The following INSRR variants were observed in gnomAD, a reference collection of about 807,000 sequenced individuals.
INSRR encodes insulin receptor-related protein.
A neutral mutation model predicts 130.0 loss-of-function variants in INSRR; 114 were observed. The ratio of observed to expected loss-of-function variants is 0.88; its 90% CI spans 0.75 to 1.02. INSRR has a LOEUF of 1.02. Among genes scored for constraint, INSRR ranks in the 50% least tolerant of loss-of-function variants. The probability of loss-of-function intolerance (pLI) is 0.00; values close to 1 mark genes in which losing one functional copy is unlikely to be tolerated. For missense variants in INSRR, 1,657 were observed against 1,735.2 expected, an observed-to-expected ratio of 0.95 and a Z score of 0.80; for synonymous variants, 674 against 705.2, an observed-to-expected ratio of 0.96 and a Z score of 0.70.
Position 156,841,793 on chromosome 1 carries a change from G to A in INSRR, c.3399C>T (p.Asp1133=). ...VSQDFTVKIG[D]FGMTRDVYET... ...CATACACGTCCCGAGTCATCCCGAA[G>A]TCTGGAAAGTGAGGGTGAGGGTGGA... Residue 1133 remains aspartate (D), a splice_region_variant and synonymous_variant, in exon 20 of 22, where the codon GAC becomes GAT. Transcript: ENST00000368195. 6.2e-7 allele frequency: 1 copy of A among 1,614,162 alleles called. No individual in the cohort carries two copies. The highest frequency in any genetic ancestry group is 8.5e-7 in the Non-Finnish European group (1 of 1,180,010).
In INSRR at chr1:156,854,013, C is replaced by T. The variant is rs140557452; in HGVS notation, c.376G>A (p.Val126Met). The part of the protein sequence containing the change: ...VIFEMPHLRD[V>M]ALPALGAVLR... ...ACGGCCCCAAGTGCAGGCAGTGCCACGTCACGCAGATGTGGCATCTCAAAG... is the reference window on the plus strand; with the variant it reads ...ACGGCCCCAAGTGCAGGCAGTGCCATGTCACGCAGATGTGGCATCTCAAAG... Residue 126 changes from valine to methionine, a missense_variant, in exon 2 of 22, where the codon GTG (valine) becomes ATG (methionine). Physicochemically the swap from Val to Met is conservative, Grantham distance 21 (BLOSUM62 1). Coordinates refer to ENST00000368195, the MANE Select transcript of INSRR (RefSeq NM_014215.3). The surrounding 1 kb of genome is among the most constrained non-coding windows in gnomAD (Gnocchi z 4.2). The T allele has an allele frequency of 4.1e-4, 665 of 1,613,768 alleles. 1 individual carries two copies. Among genetic ancestry groups the T allele is most frequent in the Non-Finnish European group, 5.2e-4 (616 of 1,179,886 alleles).
chr1:156,844,412 C>T lies in INSRR; in HGVS notation c.2737+50G>A, dbSNP rs761387110. The T allele has an allele frequency of 1.1e-4, 175 of 1,589,694 alleles. No individual in the cohort carries two copies. The Middle Eastern group carries it at 1.7e-3, about 16-fold the overall frequency. On this transcript the variant is annotated intron_variant, in intron 14 of 21. Coordinates refer to ENST00000368195, the MANE Select transcript of INSRR (RefSeq NM_014215.3). Reference sequence around the variant, plus strand: ...GGAGGGGCCTGTGGTGGGCTGGGGACCAGGTAGGGCTGTTCGGTGATACAG... The same window carrying T: ...GGAGGGGCCTGTGGTGGGCTGGGGATCAGGTAGGGCTGTTCGGTGATACAG...
chr1:156,856,744 C>T (rs914645418), intron 1 of INSRR, among the ~76,000 whole-genome samples: 6 of 152,162 alleles, frequency 3.9e-5, no homozygotes, highest in Non-Finnish European at 8.8e-5. Context: ...AGGGCTGGAA[C>T]CACTGGGCAC....
At chr1:156,847,871 G>A (rs982137349) in intron 7 of INSRR, among the ~76,000 whole-genome samples, 4 of 152,162 alleles carry the variant, frequency 2.6e-5, no homozygotes, top group African/African-American at 9.7e-5. Context: ...TCTGCTCTTT[G>A]AGCCCAGAGA....
chr1:156,845,960 C>T lies in INSRR; in HGVS notation c.1970G>A (p.Cys657Tyr), dbSNP rs1228589582. 1 of 1,612,424 alleles carries T rather than the reference C, an allele frequency of 6.2e-7. No individual in the cohort carries two copies. Among genetic ancestry groups the T allele is most frequent in the Admixed American group, 1.7e-5 (1 of 59,880 alleles). ...GCGTCGTCCCTGCGCACCGCGGTGGCAGTAGTCATTGAGGTAGAGGTCGCC... is the reference window on the plus strand; with the variant it reads ...GCGTCGTCCCTGCGCACCGCGGTGGTAGTAGTCATTGAGGTAGAGGTCGCC... ...EDGDLYLNDYCHRGLRLPTSN... is the reference protein window; with the variant it reads ...EDGDLYLNDYYHRGLRLPTSN... The change falls in exon 9 of 22, where the codon TGC becomes TAC. Residue 657 changes from cysteine (C) to tyrosine (Y), a missense_variant. Transcript: ENST00000368195.
chr1:156,856,312 T>C (rs191716618), intron 1 of INSRR, among the ~76,000 whole-genome samples: 2 of 152,244 alleles, frequency 1.3e-5, no homozygotes, highest in Non-Finnish European at 2.9e-5. Flanking sequence ...AATGAATGAG[T>C]GAATTCTGTG....
chr1:156,848,791 T>TAC, intron 7 of INSRR, 130 bp downstream of exon 7: 5 of 1,117,244 alleles, frequency 4.5e-6, no homozygotes, highest in Non-Finnish European at 6.3e-6. Context: ...TACCACGGAG[T>TAC]ACAACTTGCG....
intron 2 of INSRR, among the ~76,000 whole-genome samples, chr1:156,852,879 G>A (rs1655274605): frequency 6.6e-6 from 1 of 152,144 alleles, no homozygotes; most frequent in African/African-American, 2.4e-5. Flanking sequence ...ATACAGCAGG[G>A]ATCTTGTTAC....
At chr1:156,846,389 A>G in intron 8 of INSRR, 130 bp downstream of exon 8, 1 of 811,082 alleles carries the variant, frequency 1.2e-6, no homozygotes, top group Non-Finnish European at 2.0e-6. Context: ...TCTAGGACTC[A>G]AGCATCTGGC....
chr1:156,843,307 C>T (rs1654870276), intron 16 of INSRR, 74 bp from the exon 17 acceptor site: 1 of 1,569,082 alleles, frequency 6.4e-7, no homozygotes, highest in African/African-American at 1.4e-5. Flanking sequence ...TTCTCTTCTC[C>T]TCTTCTGAAG....
At chr1:156,856,105 G>T (rs1314201897) in intron 1 of INSRR, among the ~76,000 whole-genome samples, 1 of 151,732 alleles carries the variant, frequency 6.6e-6, no homozygotes, top group African/African-American at 2.4e-5. Context: ...TATCATGCGT[G>T]GCCATATATT....
chr1:156,844,492 C>A lies in INSRR; in HGVS notation c.2707G>T (p.Asp903Tyr), dbSNP rs1654915846. 6.2e-7 allele frequency: 1 copy of A among 1,613,966 alleles called. No homozygotes were observed. The highest frequency in any genetic ancestry group is 8.5e-7 in the Non-Finnish European group (1 of 1,180,008). The change falls in exon 14 of 22, where the codon GAC becomes TAC. Residue 903 changes from aspartate (D) to tyrosine (Y), a missense_variant. Coordinates refer to ENST00000368195, the MANE Select transcript of INSRR (RefSeq NM_014215.3). ...CCAAGGATGTAGAAGGCAACACTGT[C>A]TGTCCAAGAGCCATTGCCAGCCAGT... ...TSLAGNGSWT[D>Y]SVAFYILGPE...
Position 156,845,064 on chromosome 1 carries a change from TG to T in INSRR, c.2437+11del. 1 of 1,598,166 alleles carries T rather than the reference TG, an allele frequency of 6.3e-7. No individual in the cohort carries two copies. On this transcript the variant is annotated intron_variant, in intron 12 of 21. Coordinates refer to ENST00000368195, the MANE Select transcript of INSRR (RefSeq NM_014215.3). ...GTGATGGGGGTAGAAGGTGTGTGTG[TG>T]GATCACCTACTGTGGGGCATGGTGC...
At position 156,847,706 on chromosome 1, in the gene INSRR, G is replaced by A. The variant is rs189304892; in HGVS notation, c.1572-949C>T. ...GCTCATAGTGGGTGTCATGGGAGCA[G>A]GTGTCCTGTGAGGCATGACACACTG... On this transcript the variant is annotated intron_variant, in intron 7 of 21. Coordinates refer to ENST00000368195, the MANE Select transcript of INSRR (RefSeq NM_014215.3). Among the ~76,000 whole-genome samples, 36 of 152,202 alleles carry A rather than the reference G, an allele frequency of 2.4e-4. No individual in the cohort carries two copies. In the South Asian group the frequency reaches 7.1e-3, roughly 30 times the overall value.
chr1:156,840,934 T>TCTG lies in INSRR; in HGVS notation c.3830_3832dup (p.Ala1277dup). ...TCTTGGAGTGGGTGAGGAGTCAGGCTCTGCATCGGTGGTAGGCAGGGAGCC... is the reference window on the plus strand; with the variant it reads ...TCTTGGAGTGGGTGAGGAGTCAGGCTCTGCTGCATCGGTGGTAGGCAGGGAGCC... On this transcript the variant is annotated inframe_insertion, in exon 22 of 22. Transcript: ENST00000368195. 2 of 1,614,058 alleles carry TCTG rather than the reference T, an allele frequency of 1.2e-6. No homozygotes were observed. The highest frequency in any genetic ancestry group is 1.7e-6 in the Non-Finnish European group (2 of 1,179,980).
chr1:156,840,763 C>T lies in INSRR; in HGVS notation c.*110G>A, dbSNP rs1392286406. 1.9e-5 allele frequency: 16 copies of T among 837,160 alleles called. No individual in the cohort carries two copies. The highest frequency in any genetic ancestry group is 3.1e-5 in the Non-Finnish European group (16 of 512,280). 51.9% of individuals were successfully genotyped at this position (837,160 alleles called of 1,614,324 possible). A position where few individuals can be genotyped will look rare whatever the true frequency, so the allele number is the denominator to read the frequency against. On this transcript the variant is annotated 3_prime_UTR_variant, in exon 22 of 22. Transcript: ENST00000368195. The stretch of plus-strand genomic sequence containing the variant: ...TCCTGTTCTCTGCCCCACCCTCGGC[C>T]ATCCCTTGCCCTGAGTTGGGGTGGG...
rs1474319398 is a variant in INSRR at position 156,841,475 on chromosome 1, T to C, written c.3581A>G (p.Gln1194Arg). ...CAGCACCTGCTCATTGGACAGGCCCTGGTAGGGTTGTTCTGCCAGGGTCAC... is the reference window on the plus strand; with the variant it reads ...CAGCACCTGCTCATTGGACAGGCCCCGGTAGGGTTGTTCTGCCAGGGTCAC... ...EIVTLAEQPY[Q>R]GLSNEQVLKF... Residue 1194 changes from glutamine (Q) to arginine (R), a missense_variant, in exon 21 of 22, where the codon CAG (glutamine) becomes CGG (arginine). By Grantham distance (43) the Gln-to-Arg change is conservative. Transcript: ENST00000368195. 6.2e-7 allele frequency: 1 copy of C among 1,613,992 alleles called. No individual in the cohort carries two copies.
rs759382550 is a variant in INSRR at position 156,845,693 on chromosome 1, G to T, written c.2100C>A (p.Pro700=). 6.7e-5 allele frequency: 108 copies of T among 1,612,596 alleles called. No individual in the cohort carries two copies. Among genetic ancestry groups the T allele is most frequent in the Non-Finnish European group, 8.9e-5 (105 of 1,179,538 alleles). The stretch of plus-strand genomic sequence containing the variant: ...ACGAGGCCTCTTGCGCCTCCAGCGG[G>T]GGCAGAACCTGACCAGGAGGTGGGT... ...CQHPPPGQVL[P]PLEAQEASFQ... Residue 700 remains proline, a synonymous_variant, in exon 10 of 22, where the codon CCC becomes CCA. Coordinates refer to ENST00000368195, the MANE Select transcript of INSRR (RefSeq NM_014215.3).
Position 156,854,101 on chromosome 1 carries a change from G to T in INSRR, c.288C>A (p.Asp96Glu), listed in dbSNP as rs767526572. 1.3e-5 allele frequency: 21 copies of T among 1,614,140 alleles called. No individual in the cohort carries two copies. The African/African-American group carries it at 1.9e-4, about 14-fold the overall frequency. ...FRVYGLESLR[D>E]LFPNLAVIRG... is the part of the protein sequence containing the mutation. Reference sequence around the variant, plus strand: ...GGATGACTGCTAGGTTGGGGAAGAGGTCGCGCAGGCTCTCCAGTCCGTAGA... The same window carrying T: ...GGATGACTGCTAGGTTGGGGAAGAGTTCGCGCAGGCTCTCCAGTCCGTAGA... The change falls in exon 2 of 22, where the codon GAC (aspartate) becomes GAA (glutamate). Residue 96 changes from aspartate to glutamate, a missense_variant. By Grantham distance (45) the Asp-to-Glu change is conservative. Coordinates refer to ENST00000368195, the MANE Select transcript of INSRR (RefSeq NM_014215.3). The surrounding 1 kb of genome is among the most constrained non-coding windows in gnomAD (Gnocchi z 4.2).
Sources: allele counts gnomAD v4.1 joint callset (sites outside exome capture counted in the v4.1 genomes callset), GRCh38; gene constraint gnomAD v4.1.1; non-coding constraint Gnocchi (gnomAD v3.1); transcripts MANE v1.5; gene names NCBI Gene and HGNC (gene_info 2026-07-23, HGNC 2026-07-21).